The following SUPT3H variants were observed in gnomAD, a reference collection of about 807,000 sequenced individuals.
SUPT3H encodes transcription initiation protein SPT3 homolog.
Under a neutral mutation model 44.3 loss-of-function variants are expected in SUPT3H, and 44 were observed. The ratio of observed to expected loss-of-function variants is 0.99; its 90% CI spans 0.78 to 1.28. The LOEUF (loss-of-function observed/expected upper bound fraction) is 1.28, where lower values mean the gene tolerates loss of function less well. Ranked by LOEUF, SUPT3H falls within the 50% of genes most tolerant of loss-of-function variation. The pLI, the probability that SUPT3H is intolerant of heterozygous loss-of-function variation, is 0.00. For synonymous variants in SUPT3H, 124 were observed against 125.6 expected (o/e 0.99, Z 0.09); for missense variants, 380 against 387.1 (o/e 0.98, Z 0.15).
At chr6:45,081,259 A>C (rs991640930) in intron 3 of SUPT3H, among the ~76,000 whole-genome samples, 2 of 151,716 alleles carry the variant, frequency 1.3e-5, no homozygotes, top group African/African-American at 4.8e-5. Flanking sequence ...AACTCACTTC[A>C]CTCCAGAAAT....
intron 10 of SUPT3H, among the ~76,000 whole-genome samples, chr6:44,833,307 A>T (rs556385813): frequency 1.4e-4 from 21 of 152,286 alleles, no homozygotes; most frequent in African/African-American, 4.6e-4. Context: ...AATTTGCTTA[A>T]TATGATTTCA....
At chr6:45,013,369 C>A (rs1003403836) in intron 5 of SUPT3H, among the ~76,000 whole-genome samples, 1 of 152,028 alleles carries the variant, frequency 6.6e-6, no homozygotes, top group African/African-American at 2.4e-5. Flanking sequence ...TGAACTTCCA[C>A]ACACTCTGTT....
At chr6:45,346,375 C>T (rs1397628169) in intron 2 of SUPT3H, among the ~76,000 whole-genome samples, 1 of 151,962 alleles carries the variant, frequency 6.6e-6, no homozygotes, top group Non-Finnish European at 1.5e-5. Flanking sequence ...GAGAGGGTAG[C>T]TAGAACCTCG....
intron 10 of SUPT3H, among the ~76,000 whole-genome samples, chr6:44,865,510 G>A (rs1775356184): frequency 6.6e-6 from 1 of 152,172 alleles, no homozygotes; most frequent in Admixed American, 6.5e-5. Flanking sequence ...GGCTGGGGAG[G>A]CCTCACAAGC....
At chr6:45,326,121 C>T (rs1786298124) in intron 2 of SUPT3H, among the ~76,000 whole-genome samples, 2 of 151,740 alleles carry the variant, frequency 1.3e-5, no homozygotes, top group Admixed American at 6.6e-5. Flanking sequence ...TACTTAAATT[C>T]TTATCAGGTC....
At chr6:45,161,111 A>G (rs1254072183) in intron 2 of SUPT3H, among the ~76,000 whole-genome samples, 1 of 152,040 alleles carries the variant, frequency 6.6e-6, no homozygotes, top group African/African-American at 2.4e-5. Context: ...TTCTGCCATG[A>G]TTTGTAAGCT....
intron 2 of SUPT3H, among the ~76,000 whole-genome samples, chr6:45,176,686 T>C (rs1317464920): frequency 1.3e-5 from 2 of 152,146 alleles, no homozygotes; most frequent in Non-Finnish European, 2.9e-5. Context: ...TCTGACAGCT[T>C]TGAAGAGAGC....
chr6:45,188,774 C>T (rs1358221459), intron 2 of SUPT3H, among the ~76,000 whole-genome samples: 3 of 152,014 alleles, frequency 2.0e-5, no homozygotes, highest in Non-Finnish European at 2.9e-5. Flanking sequence ...CTGGTTCTCA[C>T]CTCTACTGTA....
At position 45,002,554 on chromosome 6, in the gene SUPT3H, C is replaced by T. The variant is rs1387873555; in HGVS notation, c.504+1099G>A. Reference sequence around the variant, plus strand: ...AAGTGAAACCATGCCACTAAACAACCATATCCTGTTTGGGCAATGATGACA... The same window carrying T: ...AAGTGAAACCATGCCACTAAACAACTATATCCTGTTTGGGCAATGATGACA... On this transcript the variant is annotated intron_variant, in intron 6 of 10. Coordinates refer to ENST00000371459, the MANE Select transcript of SUPT3H (RefSeq NM_003599.4). Among the ~76,000 whole-genome samples the T allele has an allele frequency of 3.9e-5, 6 of 152,074 alleles. No individual in the cohort carries two copies. The East Asian group carries it at 1.2e-3, about 29-fold the overall frequency.
At chr6:45,305,755 G>A (rs1782891869) in intron 2 of SUPT3H, among the ~76,000 whole-genome samples, 1 of 152,128 alleles carries the variant, frequency 6.6e-6, no homozygotes, top group African/African-American at 2.4e-5. Flanking sequence ...CTCCACACCT[G>A]CCCCAACCCC....
chr6:45,294,763 A>AAAAAAAAAG (rs1780876159), intron 2 of SUPT3H, among the ~76,000 whole-genome samples: 4 of 94,840 alleles, frequency 4.2e-5, no homozygotes, highest in African/African-American at 1.5e-4. Context: ...AAAAAAAAAA[A>AAAAAAAAAG]CAACTTAGGA....
At chr6:45,217,523 C>G (rs920105458) in intron 2 of SUPT3H, among the ~76,000 whole-genome samples, 2 of 151,654 alleles carry the variant, frequency 1.3e-5, no homozygotes, top group African/African-American at 4.8e-5. Context: ...CATCAGTAGA[C>G]TAGAATAAGT....
intron 3 of SUPT3H, among the ~76,000 whole-genome samples, chr6:45,023,878 C>A (rs1395265528): frequency 6.6e-6 from 1 of 152,024 alleles, no homozygotes; most frequent in East Asian, 1.9e-4. Context: ...ATGTAACAAA[C>A]CTTCACATGT....
chr6:44,870,469 C>A (rs978302459), intron 10 of SUPT3H, among the ~76,000 whole-genome samples: 1 of 151,686 alleles, frequency 6.6e-6, no homozygotes, highest in African/African-American at 2.4e-5. Context: ...TGTGGTGGTG[C>A]ACACCTGTAG....
At chr6:45,127,763 C>CT (rs925931190) in intron 2 of SUPT3H, among the ~76,000 whole-genome samples, 8 of 152,068 alleles carry the variant, frequency 5.3e-5, no homozygotes, top group Admixed American at 2.6e-4. Context: ...TCAATTTTCA[C>CT]TTTTTTTATC....
intron 2 of SUPT3H, among the ~76,000 whole-genome samples, chr6:45,213,580 C>G (rs1468255190): frequency 6.6e-6 from 1 of 151,858 alleles, no homozygotes; most frequent in East Asian, 1.9e-4. Context: ...AGAGAATGAA[C>G]AAAACATTCA....
intron 3 of SUPT3H, among the ~76,000 whole-genome samples, chr6:45,073,102 A>C (rs1194001543): frequency 1.3e-5 from 2 of 152,060 alleles, no homozygotes; most frequent in Non-Finnish European, 2.9e-5. Flanking sequence ...CTCACAGACA[A>C]GATTTTGGTT....
chr6:44,901,475 AAAG>A (rs1156992825), intron 10 of SUPT3H, among the ~76,000 whole-genome samples: 1 of 152,144 alleles, frequency 6.6e-6, no homozygotes, highest in Non-Finnish European at 1.5e-5. Context: ...TTTAGAGAAA[AAAG>A]AATAAAAAGA....
At chr6:45,037,446 A>C (rs1259241265) in intron 3 of SUPT3H, among the ~76,000 whole-genome samples, 1 of 151,368 alleles carries the variant, frequency 6.6e-6, no homozygotes, top group Non-Finnish European at 1.5e-5. Flanking sequence ...CAGGAGTTAG[A>C]GACCAGCCTG....
Sources: allele counts gnomAD v4.1 joint callset (sites outside exome capture counted in the v4.1 genomes callset), GRCh38; gene constraint gnomAD v4.1.1; transcripts MANE v1.5; gene names NCBI Gene and HGNC (gene_info 2026-07-23, HGNC 2026-07-21).